HIBADH: variants seen among roughly 807,000 people sequenced by gnomAD.
HIBADH encodes 3-hydroxyisobutyrate dehydrogenase, mitochondrial.
A neutral mutation model predicts 36.1 loss-of-function variants in HIBADH; 25 were observed. That is an observed-to-expected ratio of 0.69 (90% CI 0.50 to 0.97). The LOEUF (loss-of-function observed/expected upper bound fraction) is 0.97, where lower values mean the gene tolerates loss of function less well. HIBADH is among the 50% of genes least tolerant of loss of function. The probability of loss-of-function intolerance (pLI) is 0.00; values close to 1 mark genes in which losing one functional copy is unlikely to be tolerated. For synonymous variants in HIBADH, 160 were observed against 149.5 expected (o/e 1.07, Z -0.51); for missense variants, 421 against 418.0 (o/e 1.01, Z -0.06).
At chr7:27,570,627 T>C (rs1784614447) in intron 4 of HIBADH, among the ~76,000 whole-genome samples, 1 of 151,616 alleles carries the variant, frequency 6.6e-6, no homozygotes, top group Non-Finnish European at 1.5e-5. Context: ...CGACTATATA[T>C]AGTTGTCCAA....
At position 27,599,034 on chromosome 7, in the gene HIBADH, A is replaced by T. The variant is rs535111813; in HGVS notation, c.484+30337T>A. On this transcript the variant is annotated intron_variant, in intron 4 of 7. Coordinates refer to ENST00000265395, the MANE Select transcript of HIBADH (RefSeq NM_152740.4). ...AAACTCGACATACAGTAACATAATC[A>T]TCTATGTCAAATGCAGAACATCTTA... Among the ~76,000 whole-genome samples, 10 of 152,208 alleles carry T rather than the reference A, an allele frequency of 6.6e-5. 1 individual carries two copies. Among genetic ancestry groups the T allele is most frequent in the Middle Eastern group, 3.4e-3 (1 of 294 alleles).
At chr7:27,568,353 C>T (rs1451194832) in intron 4 of HIBADH, among the ~76,000 whole-genome samples, 3 of 152,126 alleles carry the variant, frequency 2.0e-5, no homozygotes, top group African/African-American at 7.2e-5. Flanking sequence ...ATTCCACTGG[C>T]CTTTTGGCCT....
intron 7 of HIBADH, among the ~76,000 whole-genome samples, chr7:27,528,414 C>CTT (rs1313325350): frequency 3.3e-5 from 5 of 152,054 alleles, no homozygotes; most frequent in African/African-American, 9.7e-5. Flanking sequence ...CAGTAGAATG[C>CTT]AAAGAAAAAA....
intron 1 of HIBADH, among the ~76,000 whole-genome samples, chr7:27,657,382 A>G (rs923124560): frequency 6.6e-6 from 1 of 152,160 alleles, no homozygotes; most frequent in South Asian, 2.1e-4. Flanking sequence ...AAAGGGAGGG[A>G]GTCAAAGGAC....
At chr7:27,532,495 A>AT (rs1163411329) in intron 6 of HIBADH, among the ~76,000 whole-genome samples, 1 of 152,138 alleles carries the variant, frequency 6.6e-6, no homozygotes, top group Admixed American at 6.6e-5. Flanking sequence ...CCAATAAAAC[A>AT]TTTTTTCAGA....
intron 1 of HIBADH, among the ~76,000 whole-genome samples, chr7:27,661,394 C>T (rs1032583002): frequency 7.9e-5 from 12 of 152,064 alleles, no homozygotes; most frequent in Non-Finnish European, 1.8e-4. Flanking sequence ...TCAAGACCAG[C>T]CTGGGCAACA....
chr7:27,551,797 CTTAAT>C (rs1373745020), intron 4 of HIBADH, among the ~76,000 whole-genome samples: 44 of 152,308 alleles, frequency 2.9e-4, no homozygotes, highest in African/African-American at 1.1e-3. Flanking sequence ...TAGTAAATCA[CTTAAT>C]TTACTCAAAA....
intron 4 of HIBADH, among the ~76,000 whole-genome samples, chr7:27,613,588 A>G (rs7790498): frequency 0.76 from 114,901 of 151,200 alleles, 44,109 homozygotes; most frequent in East Asian, 0.94. Context: ...CAGAACTAAA[A>G]GTCCTTCTGT....
chr7:27,623,650 A>G (rs1469320997), intron 4 of HIBADH, among the ~76,000 whole-genome samples: 5 of 152,216 alleles, frequency 3.3e-5, no homozygotes, highest in Non-Finnish European at 5.9e-5. Flanking sequence ...TCCCACTTAT[A>G]ATTGCTATGA....
intron 4 of HIBADH, among the ~76,000 whole-genome samples, chr7:27,627,218 T>G (rs1435735551): frequency 2.0e-5 from 3 of 152,172 alleles, no homozygotes; most frequent in Non-Finnish European, 2.9e-5. Context: ...TATGGTGTTT[T>G]TCAGGTCCTG....
intron 4 of HIBADH, among the ~76,000 whole-genome samples, chr7:27,592,042 T>C (rs1784947978): frequency 6.6e-6 from 1 of 152,224 alleles, no homozygotes; most frequent in South Asian, 2.1e-4. Flanking sequence ...TTCACATTTC[T>C]GTATCTTTGT....
intron 4 of HIBADH, among the ~76,000 whole-genome samples, chr7:27,570,236 T>C (rs1784609317): frequency 6.6e-6 from 1 of 152,192 alleles, no homozygotes; most frequent in African/African-American, 2.4e-5. Context: ...ACACATTCAG[T>C]AGGAGAGAAA....
intron 6 of HIBADH, among the ~76,000 whole-genome samples, chr7:27,537,052 A>G (rs1419094579): frequency 1.3e-5 from 2 of 152,228 alleles, no homozygotes; most frequent in Admixed American, 6.5e-5. Context: ...AATGAACATG[A>G]AAACAAGTTA....
chr7:27,565,414 G>A (rs934829392), intron 4 of HIBADH, among the ~76,000 whole-genome samples: 2 of 152,272 alleles, frequency 1.3e-5, no homozygotes, highest in Middle Eastern at 3.4e-3. Context: ...GTGGTGTCCT[G>A]ATCTGTTGGC....
intron 7 of HIBADH, among the ~76,000 whole-genome samples, chr7:27,528,015 G>C (rs767009071): frequency 6.8e-6 from 1 of 147,574 alleles, no homozygotes; most frequent in Non-Finnish European, 1.5e-5. Flanking sequence ...CACCTGCCTC[G>C]GCCTCCCAAA....
chr7:27,662,756 G>A lies in HIBADH; in HGVS notation c.33C>T (p.Ala11=), dbSNP rs1414455357. ...GCCGGCTCCAGTACCGGAGACCGGA[G>A]GCAGCTCCGAGGAGCCGTAAGGAGG... is the stretch of plus-strand genomic sequence containing the variant. The part of the protein sequence containing the change: MAASLRLLGA[A]SGLRYWSRRL... The change falls in exon 1 of 8, where the codon GCC becomes GCT. Residue 11 remains alanine, a synonymous_variant. Coordinates refer to ENST00000265395, the MANE Select transcript of HIBADH (RefSeq NM_152740.4). 6 of 1,441,652 alleles carry A rather than the reference G, an allele frequency of 4.2e-6. No homozygotes were observed. Among genetic ancestry groups the A allele is most frequent in the Admixed American group, 2.9e-5 (1 of 34,880 alleles). The allele number at this position is 1,441,652 out of a possible 1,614,324, so 89.3% of individuals were successfully genotyped here.
chr7:27,603,433 A>T (rs1042503674), intron 4 of HIBADH, among the ~76,000 whole-genome samples: 1 of 152,144 alleles, frequency 6.6e-6, no homozygotes, highest in African/African-American at 2.4e-5. Context: ...ATATAAAAAG[A>T]TTTTATGTTA....
At chr7:27,648,411 A>G (rs1786116599) in intron 2 of HIBADH, among the ~76,000 whole-genome samples, 1 of 152,248 alleles carries the variant, frequency 6.6e-6, no homozygotes, top group Admixed American at 6.5e-5. Flanking sequence ...AACCATGGAA[A>G]GGAAAAAGAT....
intron 4 of HIBADH, among the ~76,000 whole-genome samples, chr7:27,591,418 G>A (rs572280564): frequency 1.3e-5 from 2 of 152,152 alleles, no homozygotes; most frequent in Non-Finnish European, 2.9e-5. Context: ...GGGCGTTGTG[G>A]CAGGTGCCTG....
Sources: allele counts gnomAD v4.1 joint callset (sites outside exome capture counted in the v4.1 genomes callset), GRCh38; gene constraint gnomAD v4.1.1; transcripts MANE v1.5; gene names NCBI Gene and HGNC (gene_info 2026-07-23, HGNC 2026-07-21).